Variants in ANK2 observed in about 807,000 individuals in gnomAD.
The protein encoded by ANK2 is ankyrin 2, also known as ankyrin-2.
In ANK2, 83 loss-of-function variants were observed where a neutral mutation model predicts 360.5. That is an observed-to-expected ratio of 0.23 (90% confidence interval 0.19 to 0.28). ANK2 has a LOEUF of 0.28. Ranked by LOEUF, ANK2 falls within the 10% of genes least tolerant of loss-of-function variation. The probability of loss-of-function intolerance (pLI) is 1.00; values close to 1 mark genes in which losing one functional copy is unlikely to be tolerated. For synonymous variants in ANK2, 1,740 were observed against 1,759.5 expected (o/e 0.99, Z 0.28); for missense variants, 4,201 against 4,795.7 (o/e 0.88, Z 3.66).
At chr4:112,880,060 ACACT>A (rs1456166267) in intron 1 of ANK2, among the ~76,000 whole-genome samples, 1 of 145,530 alleles carries the variant, frequency 6.9e-6, no homozygotes, top group African/African-American at 2.5e-5. Flanking sequence ...ACACACACAC[ACACT>A]CTCTCTCTCT....
chr4:113,277,818 T>C lies in ANK2; in HGVS notation c.1684-19T>C. On this transcript the variant is annotated intron_variant, in intron 15 of 45. Coordinates refer to ENST00000357077, the MANE Select transcript of ANK2 (RefSeq NM_001148.6). ...TACAACAATAAATACGATTTTACTT[T>C]TGTTTCTCACATTTTCAGAAGGGTT... 1 of 1,583,390 alleles carries C rather than the reference T, an allele frequency of 6.3e-7. No individual in the cohort carries two copies. Among genetic ancestry groups the C allele is most frequent in the Non-Finnish European group, 8.7e-7 (1 of 1,152,134 alleles).
intron 20 of ANK2, among the ~76,000 whole-genome samples, chr4:113,289,390 G>A (rs1383498676): frequency 6.6e-6 from 1 of 151,728 alleles, no homozygotes; most frequent in African/African-American, 2.4e-5. Context: ...AAAAGTTTTT[G>A]TAGAGATGAG....
At chr4:113,129,037 A>G (rs1330640627) in intron 1 of ANK2, among the ~76,000 whole-genome samples, 1 of 152,202 alleles carries the variant, frequency 6.6e-6, no homozygotes, top group East Asian at 1.9e-4. Context: ...GGGCATATCA[A>G]CCTGAAGCAG....
intron 1 of ANK2, among the ~76,000 whole-genome samples, chr4:112,831,806 C>A (rs6533655): frequency 6.6e-6 from 1 of 151,542 alleles, no homozygotes; most frequent in Admixed American, 6.6e-5. Context: ...CTGAAGCCAG[C>A]GAGACCACGA....
At chr4:113,340,124 A>G (rs2094095073) in intron 32 of ANK2, among the ~76,000 whole-genome samples, 1 of 152,194 alleles carries the variant, frequency 6.6e-6, no homozygotes, top group South Asian at 2.1e-4. Flanking sequence ...TCTGTGTTTC[A>G]ATGTGTTTTG....
chr4:112,907,111 G>A (rs1402350338), intron 2 of ANK2, among the ~76,000 whole-genome samples: 1 of 152,164 alleles, frequency 6.6e-6, no homozygotes, highest in African/African-American at 2.4e-5. Flanking sequence ...AGAGCCTGCT[G>A]TCCTTACTCA....
At chr4:112,833,133 T>C (rs2060168095) in intron 1 of ANK2, among the ~76,000 whole-genome samples, 1 of 152,230 alleles carries the variant, frequency 6.6e-6, no homozygotes, top group Non-Finnish European at 1.5e-5. Context: ...TTGGTTGTTC[T>C]GATAGTGAAG....
the ANK2 span, among the ~76,000 whole-genome samples, chr4:112,736,189 G>A: frequency 2.0e-5 from 3 of 152,050 alleles, no homozygotes; most frequent in Admixed American, 6.6e-5. Flanking sequence ...AGGGCTGGGC[G>A]CGGTGGCTCA....
At chr4:113,117,723 T>C (rs537569356) in intron 1 of ANK2, among the ~76,000 whole-genome samples, 1 of 152,342 alleles carries the variant, frequency 6.6e-6, no homozygotes, top group African/African-American at 2.4e-5. Context: ...CTACTCTTAG[T>C]ACTGGGCACA....
At chr4:113,110,339 C>T (rs1027368496) in intron 1 of ANK2, among the ~76,000 whole-genome samples, 10 of 152,106 alleles carry the variant, frequency 6.6e-5, no homozygotes, top group Admixed American at 3.9e-4. Flanking sequence ...TCCCATGACA[C>T]GTGGGGATTA....
chr4:112,841,600 G>A (rs1308501601), intron 1 of ANK2, among the ~76,000 whole-genome samples: 1 of 152,206 alleles, frequency 6.6e-6, no homozygotes, highest in Non-Finnish European at 1.5e-5. Flanking sequence ...GTGAGAGGCT[G>A]CCATTTCTTG....
intron 2 of ANK2, among the ~76,000 whole-genome samples, chr4:112,945,714 T>C (rs1477855547): frequency 1.3e-5 from 2 of 152,156 alleles, no homozygotes; most frequent in African/African-American, 4.8e-5. Flanking sequence ...AGACTCCAGT[T>C]TGAAAAATAT....
the ANK2 span, among the ~76,000 whole-genome samples, chr4:112,756,114 C>T: frequency 6.6e-6 from 1 of 151,816 alleles, no homozygotes; most frequent in African/African-American, 2.4e-5. Flanking sequence ...TGGCGGGTGC[C>T]TGTAGTCCCA....
chr4:112,956,100 A>C (rs969128804), intron 2 of ANK2, among the ~76,000 whole-genome samples: 1 of 152,214 alleles, frequency 6.6e-6, no homozygotes, highest in Non-Finnish European at 1.5e-5. Flanking sequence ...CTCAGATAGT[A>C]CCAACCAATT....
At chr4:112,876,585 G>A (rs961483888) in intron 1 of ANK2, among the ~76,000 whole-genome samples, 3 of 152,142 alleles carry the variant, frequency 2.0e-5, no homozygotes, top group African/African-American at 7.2e-5. Context: ...TTAAAAAACA[G>A]ATGTAGAGAT....
rs556133186 is a variant in ANK2, at chr4:113,171,849, T to C, written c.85-2567T>C. ...GAGAAGATTCAAAGATGGTCTATTATATACTCCTCAGCAATACCTGAGGCC... is the reference window on the plus strand; with the variant it reads ...GAGAAGATTCAAAGATGGTCTATTACATACTCCTCAGCAATACCTGAGGCC... On this transcript the variant is annotated intron_variant, in intron 1 of 45. Transcript: ENST00000357077. Among the ~76,000 whole-genome samples, 5 of 152,312 alleles carry C rather than the reference T, an allele frequency of 3.3e-5. No individual in the cohort carries two copies. In the East Asian group the frequency reaches 9.7e-4, roughly 29 times the overall value.
rs562969001 is a variant in ANK2, at chr4:113,075,338, A to C, written c.84+25526A>C. ...TATATCCCCATATAGTAATGTACTT[A>C]TGTGTGATTAATACATCTAAATATG... On this transcript the variant is annotated intron_variant, in intron 1 of 45. Transcript: ENST00000357077. 3.5e-4 allele frequency among the ~76,000 whole-genome samples: 54 copies of C among 152,324 alleles called. No individual in the cohort carries two copies. In the South Asian group the frequency reaches 0.011, roughly 30 times the overall value.
intron 24 of ANK2, among the ~76,000 whole-genome samples, chr4:113,314,853 A>C (rs2081931969): frequency 6.6e-6 from 1 of 152,238 alleles, no homozygotes; most frequent in African/African-American, 2.4e-5. Flanking sequence ...TTGATTAAAC[A>C]ACCAATTAGT....
At chr4:113,207,901 TA>T (rs1357312979) in intron 4 of ANK2, among the ~76,000 whole-genome samples, 2 of 152,064 alleles carry the variant, frequency 1.3e-5, no homozygotes, top group Non-Finnish European at 2.9e-5. Flanking sequence ...ACTTCTTTTA[TA>T]AAAGAAAGTG....
Sources: gnomAD v4.1 joint callset for allele counts (sites outside exome capture counted in the v4.1 genomes callset) on GRCh38, gnomAD v4.1.1 for gene constraint, MANE v1.5 for transcripts, NCBI Gene and HGNC (gene_info 2026-07-23, HGNC 2026-07-21) for gene names.